GPRC5D: variants seen among roughly 807,000 people sequenced by gnomAD.
GPRC5D encodes G protein-coupled receptor family C group 5 member D.
In GPRC5D, 20 loss-of-function variants were observed where a neutral mutation model predicts 29.3. The observed-to-expected ratio is 0.68, with a 90% CI of 0.48 to 0.99. GPRC5D has a LOEUF of 0.99. GPRC5D is among the 50% of genes least tolerant of loss of function. The pLI is 0.00. For synonymous variants in GPRC5D, 178 were observed against 171.3 expected (o/e 1.04, Z -0.30); for missense variants, 384 against 423.6 (o/e 0.91, Z 0.82).
At chr12:12,940,938 G>C in intron 2 of GPRC5D, 89 bp from the exon 4 acceptor site, 1 of 830,946 alleles carries the variant, frequency 1.2e-6, no homozygotes, top group Admixed American at 1.8e-5. Flanking sequence ...TTGAGACAGA[G>C]TCTTGCTCTG....
chr12:12,944,247 G>A (rs996034289), intron 1 of GPRC5D: 6 of 152,250 alleles, frequency 3.9e-5, no homozygotes, highest in Admixed American at 3.9e-4. Flanking sequence ...GACCACAGGT[G>A]TGTGCCACTA....
chr12:12,941,477 A>G (rs991660840), intron 2 of GPRC5D, among the ~76,000 whole-genome samples: 1 of 152,206 alleles, frequency 6.6e-6, no homozygotes, highest in African/African-American at 2.4e-5. Context: ...GGCCTGGTCC[A>G]TGTGTCATTC....
At chr12:12,940,779 A>G (rs1863123546) in exon 3 of GPRC5D, 2 of 1,588,368 alleles carry the variant, frequency 1.3e-6, no homozygotes, top group Non-Finnish European at 1.7e-6. Context: ...GTAGATTTAT[A>G]CTCCTCCTGC....
chr12:12,945,795 A>G (rs979214864), intron 1 of GPRC5D, among the ~76,000 whole-genome samples: 2 of 152,342 alleles, frequency 1.3e-5, no homozygotes, highest in East Asian at 1.9e-4. Flanking sequence ...TATGCTGAGC[A>G]TGTTAAATTT....
chr12:12,949,595 T>G (rs1379659349), exon 1 of GPRC5D: 4 of 1,613,956 alleles, frequency 2.5e-6, no homozygotes, highest in Non-Finnish European at 3.4e-6. Flanking sequence ...CTGTAGAGAA[T>G]GCAGAGCTCA....
chr12:12,946,436 TTC>T (rs67343880), intron 1 of GPRC5D, among the ~76,000 whole-genome samples: 7 of 142,356 alleles, frequency 4.9e-5, no homozygotes, highest in Non-Finnish European at 7.5e-5. Flanking sequence ...CTTTCTCTCT[TTC>T]TCTCTCTCTC....
intron 1 of GPRC5D, chr12:12,948,418 T>C (rs764545118): frequency 6.5e-6 from 1 of 154,364 alleles, no homozygotes; most frequent in Non-Finnish European, 1.5e-5. Context: ...AGGATTTAAT[T>C]TGAATGCGCA....
chr12:12,944,842 CTTCCTTCCTTCTTTCTTTCTTTCT>C lies in GPRC5D; in HGVS notation c.896-2538_896-2515del, dbSNP rs1195487851. On this transcript the variant is annotated intron_variant, in intron 1 of 2. Coordinates refer to ENST00000228887, the Ensembl canonical transcript of GPRC5D. The stretch of plus-strand genomic sequence containing the variant: ...CCTTCCTTCCTTCCTTCCTTCCTTC[CTTCCTTCCTTCTTTCTTTCTTTCT>C]TTCTTTCTTTCTTTCTTTCTTTCTT... Among the ~76,000 whole-genome samples the C allele has an allele frequency of 5.8e-3, 144 of 24,662 alleles. 2 individuals carry two copies. The highest frequency in any genetic ancestry group is 0.013 in the African/African-American group (132 of 10,030). 16.2% of individuals were successfully genotyped at this position (24,662 alleles called of 152,430 possible).
At chr12:12,944,850 C>CTTCCTTCT (rs1565477444) in intron 1 of GPRC5D, among the ~76,000 whole-genome samples, 23 of 34,442 alleles carry the variant, frequency 6.7e-4, no homozygotes, top group African/African-American at 1.2e-3. Context: ...TCCTTCCTTC[C>CTTCCTTCT]TTCTTTCTTT....
At chr12:12,951,836 G>T (rs1417711517), upstream of GPRC5D, among the ~76,000 whole-genome samples, 1 of 152,096 alleles carries the variant, frequency 6.6e-6, no homozygotes, top group Non-Finnish European at 1.5e-5. Context: ...ATCCAATGCA[G>T]CAGGTTGTAG....
intron 1 of GPRC5D, among the ~76,000 whole-genome samples, chr12:12,946,361 C>A (rs1166444036): frequency 1.4e-5 from 2 of 143,310 alleles, no homozygotes; most frequent in Non-Finnish European, 3.0e-5. Flanking sequence ...TTCTTTCTTT[C>A]TTTCTTTTCT....
chr12:12,943,578 G>A (rs977489389), intron 1 of GPRC5D, among the ~76,000 whole-genome samples: 1 of 152,166 alleles, frequency 6.6e-6, no homozygotes, highest in East Asian at 1.9e-4. Context: ...TGCTGGTGCT[G>A]CAGTTATAAT....
At chr12:12,942,904 A>G (rs746111220) in intron 1 of GPRC5D, among the ~76,000 whole-genome samples, 10 of 152,214 alleles carry the variant, frequency 6.6e-5, no homozygotes, top group Non-Finnish European at 1.3e-4. Context: ...TTGCTCTCTC[A>G]GTATTACCGT....
At chr12:12,950,778 G>C (rs1863476687), upstream of GPRC5D, among the ~76,000 whole-genome samples, 2 of 152,010 alleles carry the variant, frequency 1.3e-5, no homozygotes, top group African/African-American at 2.4e-5. Context: ...CTGTACTCCA[G>C]CCTGGGTGAC....
rs759372910 is a variant in GPRC5D at position 12,950,138 on chromosome 12, C to T, written c.247G>A (p.Glu83Lys). 7.4e-6 allele frequency: 12 copies of T among 1,613,856 alleles called. No individual in the cohort carries two copies. In the South Asian group the frequency reaches 9.9e-5, roughly 13 times the overall value. The change falls in exon 1 of 3, where the codon GAG (glutamate) becomes AAG (lysine). Residue 83 changes from glutamate to lysine, a missense_variant. Glu to Lys is a moderately conservative substitution (Grantham distance 56). Transcript: ENST00000228887. ...ACGGGGGCAGTTTGTTGATTGAGCT[C>T]GATGATGAAGGCAAAAGCGAGTCCG...
At position 12,944,824 on chromosome 12, in the gene GPRC5D, TCCTTCCTTCCTTCC is replaced by T. The variant is rs1565477131; in HGVS notation, c.896-2510_896-2497del. ...TCCCTTCCTTCCTTCCTTCCTTCCT[TCCTTCCTTCCTTCC>T]TTCCTTCCTTCCTTCTTTCTTTCTT... is the stretch of plus-strand genomic sequence containing the variant. On this transcript the variant is annotated intron_variant, in intron 1 of 2. Transcript: ENST00000228887. Among the ~76,000 whole-genome samples, 151 of 18,274 alleles carry T rather than the reference TCCTTCCTTCCTTCC, an allele frequency of 8.3e-3. 13 individuals carry two copies. The highest frequency in any genetic ancestry group is 0.014 in the Non-Finnish European group (86 of 6,180). 12.0% of individuals were successfully genotyped at this position (18,274 alleles called of 152,430 possible).
exon 1 of GPRC5D, chr12:12,950,193 G>A (rs770558287): frequency 1.9e-6 from 3 of 1,613,990 alleles, no homozygotes; most frequent in South Asian, 2.2e-5. Context: ...GGAGGAAGAG[G>A]AGCTGGGTGG....
chr12:12,949,928 T>G, exon 1 of GPRC5D: 4 of 1,612,908 alleles, frequency 2.5e-6, no homozygotes, highest in Non-Finnish European at 3.4e-6. Context: ...ATACCTCTGG[T>G]CATGATGAGA....
upstream of GPRC5D, among the ~76,000 whole-genome samples, chr12:12,951,270 TGA>T (rs1863489169): frequency 6.6e-6 from 1 of 152,222 alleles, no homozygotes; most frequent in Admixed American, 6.5e-5. Context: ...CCTGGGCATA[TGA>T]AATAAATGTC....
Sources: gnomAD v4.1 joint callset for allele counts (sites outside exome capture counted in the v4.1 genomes callset) on GRCh38, gnomAD v4.1.1 for gene constraint, MANE v1.5 for transcripts, NCBI Gene and HGNC (gene_info 2026-07-23, HGNC 2026-07-21) for gene names.